The following EPHB4 variants were observed in gnomAD, a reference collection of about 807,000 sequenced individuals.
The protein encoded by EPHB4 is ephrin type-B receptor 4.
In EPHB4, 50 loss-of-function variants were observed where a neutral mutation model predicts 110.6. The observed-to-expected ratio is 0.45, with a 90% CI of 0.36 to 0.57. EPHB4 has a LOEUF of 0.57. Among genes scored for constraint, EPHB4 ranks in the 20% least tolerant of loss-of-function variants. The pLI is 0.00. For synonymous variants in EPHB4, 592 were observed against 578.4 expected (o/e 1.02, Z -0.34); for missense variants, 1,128 against 1,382.1 (o/e 0.82, Z 2.91).
intron 4 of EPHB4, chr7:100,820,587 G>C (rs916338476): frequency 8.1e-6 from 2 of 246,512 alleles, no homozygotes; most frequent in African/African-American, 2.2e-5. Context: ...CCAGAGAAGG[G>C]GTCCTCACCT....
rs1484495683 is a variant in EPHB4, at chr7:100,813,203, T to C, written c.1762A>G (p.Lys588Glu). 1.9e-6 allele frequency: 3 copies of C among 1,601,890 alleles called. No individual in the cohort carries two copies. In the East Asian group the frequency reaches 6.7e-5, roughly 36 times the overall value. Residue 588 changes from lysine to glutamate, a missense_variant, in exon 11 of 17, where the codon AAG (lysine) becomes GAG (glutamate). Physicochemically the swap from Lys to Glu is moderately conservative, Grantham distance 56. Transcript: ENST00000358173. ...HGQYLIGHGTKVYIDPFTYED... is the reference protein window; with the variant it reads ...HGQYLIGHGTEVYIDPFTYED... ...TAAGTGAAGGGGTCGATGTAGACCT[T>C]AGTACCTGAGAAATCAGGCAGGGCC...
chr7:100,808,585 G>T (rs75881054), intron 12 of EPHB4, among the ~76,000 whole-genome samples: 5,051 of 152,242 alleles, frequency 0.033, 124 homozygotes, highest in Middle Eastern at 0.1. Context: ...AGCTCTCTTG[G>T]ACTAGCTGTG....
At chr7:100,813,254 T>G (rs765002479) in intron 10 of EPHB4, 46 bp from the exon 11 acceptor site, 140 of 1,487,600 alleles carry the variant, frequency 9.4e-5, no homozygotes, top group Non-Finnish European at 1.2e-4. Flanking sequence ...TAACTCCCAC[T>G]GGACTCGGAG....
In EPHB4 at chr7:100,820,285, C is replaced by A; in HGVS notation, c.820G>T (p.Gly274Cys). Reference protein sequence around the residue: ...GNTKCRACAQGTFKPLSGEGS... With the variant: ...GNTKCRACAQCTFKPLSGEGS... ...TCTCCTGACAGGGGCTTGAAGGTGC[C>A]CTGGGCACAGGCTGAGAGAGAGAAA... The change falls in exon 5 of 17, where the codon GGC becomes TGC. Residue 274 changes from glycine (G) to cysteine (C), a missense_variant. Coordinates refer to ENST00000358173, the MANE Select transcript of EPHB4 (RefSeq NM_004444.5). 2 of 1,613,788 alleles carry A rather than the reference C, an allele frequency of 1.2e-6. No individual in the cohort carries two copies. The highest frequency in any genetic ancestry group is 1.7e-6 in the Non-Finnish European group (2 of 1,179,962).
At position 100,812,904 on chromosome 7, in the gene EPHB4, G is replaced by A. The variant is rs765067395; in HGVS notation, c.1961C>T (p.Thr654Met). 3.2e-5 allele frequency: 52 copies of A among 1,614,096 alleles called. No individual in the cohort carries two copies. The highest frequency in any genetic ancestry group is 6.7e-5 in the Admixed American group (4 of 60,000). ...CAGAAACTCACGCCGCTGCCGCTCC[G>A]TGTAGCCACCCTTCAGGGTCTTGAT... is the stretch of plus-strand genomic sequence containing the variant. Reference protein sequence around the residue: ...VAIKTLKGGYTERQRREFLSE... With the variant: ...VAIKTLKGGYMERQRREFLSE... The change falls in exon 12 of 17, where the codon ACG becomes ATG. Residue 654 changes from threonine to methionine, a missense_variant. Thr to Met is a moderately conservative substitution (Grantham distance 81, BLOSUM62 -1). This residue lies in a region of EPHB4 where 191 missense variants were observed against 313.0 expected (regional missense o/e 0.61). Transcript: ENST00000358173.
Position 100,822,692 on chromosome 7 carries a change from G to A in EPHB4, c.412-25C>T, listed in dbSNP as rs759230339. On this transcript the variant is annotated intron_variant, in intron 3 of 16. Coordinates refer to ENST00000358173, the MANE Select transcript of EPHB4 (RefSeq NM_004444.5). This position sits in a 1 kb window ranked among gnomAD's most constrained non-coding sequence, Gnocchi z 4.7. ...CCTGCCGGCGGGGGGGAGGCACACCGCTGCTGTCCCCACTCCCTGAGGACC... is the reference window on the plus strand; with the variant it reads ...CCTGCCGGCGGGGGGGAGGCACACCACTGCTGTCCCCACTCCCTGAGGACC... 7.9e-6 allele frequency: 12 copies of A among 1,515,448 alleles called. No homozygotes were observed. Among genetic ancestry groups the A allele is most frequent in the Middle Eastern group, 3.6e-4 (2 of 5,608 alleles). The allele number at this position is 1,515,448 out of a possible 1,614,324, so 93.9% of individuals were successfully genotyped here. A position where few individuals can be genotyped will look rare whatever the true frequency, so the allele number is the denominator to read the frequency against.
At chr7:100,815,465 T>C (rs1813045725) in intron 8 of EPHB4, among the ~76,000 whole-genome samples, 1 of 152,176 alleles carries the variant, frequency 6.6e-6, no homozygotes, top group Non-Finnish European at 1.5e-5. Flanking sequence ...GGGTTAGTGC[T>C]TGCCAGGGAC....
intron 1 of EPHB4, among the ~76,000 whole-genome samples, chr7:100,826,652 G>T (rs966360553): frequency 6.6e-6 from 1 of 152,114 alleles, no homozygotes; most frequent in Admixed American, 6.5e-5. Context: ...AAACTTTGCA[G>T]ATAGTTTTGA....
chr7:100,813,772 C>T (rs1400747451), intron 9 of EPHB4, 56 bp from the exon 10 acceptor site: 4 of 1,610,648 alleles, frequency 2.5e-6, no homozygotes, highest in Non-Finnish European at 3.4e-6. Flanking sequence ...CTTTATGAGG[C>T]ACACACACCA....
At position 100,813,056 on chromosome 7, in the gene EPHB4, G is replaced by A. The variant is rs758802534; in HGVS notation, c.1870+39C>T. 2.5e-5 allele frequency: 41 copies of A among 1,612,600 alleles called. No homozygotes were observed. The highest frequency in any genetic ancestry group is 6.7e-5 in the East Asian group (3 of 44,858). ...CTCCAGTGTGGCCCTGCCCACCCCCGCTTCGTTCCCAGGTGCCCGGGCAGC... is the reference window on the plus strand; with the variant it reads ...CTCCAGTGTGGCCCTGCCCACCCCCACTTCGTTCCCAGGTGCCCGGGCAGC... On this transcript the variant is annotated intron_variant, in intron 11 of 16. Coordinates refer to ENST00000358173, the MANE Select transcript of EPHB4 (RefSeq NM_004444.5).
chr7:100,812,961 T>C lies in EPHB4; in HGVS notation c.1904A>G (p.Lys635Arg). The C allele has an allele frequency of 6.2e-7, 1 of 1,613,990 alleles. No individual in the cohort carries two copies. The highest frequency in any genetic ancestry group is 8.5e-7 in the Non-Finnish European group (1 of 1,179,886). The change falls in exon 12 of 17, where the codon AAG (lysine) becomes AGG (arginine). Residue 635 changes from lysine (K) to arginine (R), a missense_variant. Lys to Arg is a conservative substitution (Grantham distance 26). Transcript: ENST00000358173. ...EFGEVCRGRL[K>R]APGKKESCVA... Reference sequence around the variant, plus strand: ...ACAGCTCTCCTTCTTCCCTGGGGCCTTGAGCCGCCCCCGGCACACCTCGCC... The same window carrying C: ...ACAGCTCTCCTTCTTCCCTGGGGCCCTGAGCCGCCCCCGGCACACCTCGCC...
chr7:100,807,312 C>T, intron 13 of EPHB4, 53 bp downstream of exon 13: 2 of 1,586,090 alleles, frequency 1.3e-6, no homozygotes, highest in Non-Finnish European at 1.7e-6. Context: ...TTCCAACCTG[C>T]CCTGCCCACC....
At chr7:100,819,452 C>A in intron 6 of EPHB4, 105 bp downstream of exon 6, 1 of 1,338,774 alleles carries the variant, frequency 7.5e-7, no homozygotes, top group Non-Finnish European at 1.0e-6. Context: ...CTTAGCCCCT[C>A]ACACTTCCGG....
chr7:100,804,026 G>A (rs141520268), intron 16 of EPHB4, among the ~76,000 whole-genome samples: 1 of 152,270 alleles, frequency 6.6e-6, no homozygotes, highest in African/African-American at 2.4e-5. Context: ...GAGGCCCCCT[G>A]GGTCAGAGAG....
At chr7:100,803,943 A>G (rs1267408553) in intron 16 of EPHB4, among the ~76,000 whole-genome samples, 1 of 152,012 alleles carries the variant, frequency 6.6e-6, no homozygotes, top group East Asian at 1.9e-4. Context: ...GAAGTGGGAG[A>G]GGAAGAGCTG....
At chr7:100,816,201 G>A (rs1813063324) in intron 8 of EPHB4, among the ~76,000 whole-genome samples, 1 of 152,044 alleles carries the variant, frequency 6.6e-6, no homozygotes, top group African/African-American at 2.4e-5. Flanking sequence ...GAAAGCCACT[G>A]GCCTAGCATA....
At chr7:100,809,121 T>A (rs1290247281) in intron 12 of EPHB4, among the ~76,000 whole-genome samples, 1 of 152,136 alleles carries the variant, frequency 6.6e-6, no homozygotes, top group Non-Finnish European at 1.5e-5. Context: ...TTATTTATTT[T>A]TTTGAGATGG....
At chr7:100,813,403 C>T (rs1258345545) in intron 10 of EPHB4, 195 bp from the exon 11 acceptor site, 4 of 652,002 alleles carry the variant, frequency 6.1e-6, no homozygotes, top group Non-Finnish European at 1.0e-5. Flanking sequence ...GCAATCTCCG[C>T]CTCCCGGGTT....
intron 12 of EPHB4, among the ~76,000 whole-genome samples, chr7:100,809,117 A>C (rs903211314): frequency 2.0e-5 from 3 of 151,806 alleles, no homozygotes; most frequent in East Asian, 3.9e-4. Context: ...TTATTTATTT[A>C]TTTTTTTGAG....
Sources: allele counts gnomAD v4.1 joint callset (sites outside exome capture counted in the v4.1 genomes callset), GRCh38; gene constraint gnomAD v4.1.1; regional missense constraint gnomAD v4.1.1; non-coding constraint Gnocchi (gnomAD v3.1); transcripts MANE v1.5; gene names NCBI Gene and HGNC (gene_info 2026-07-23, HGNC 2026-07-21).